The following CDH18 variants were observed in gnomAD, a reference collection of about 807,000 sequenced individuals.
CDH18 encodes cadherin-18.
Under a neutral mutation model 67.9 loss-of-function variants are expected in CDH18, and 31 were observed. The observed-to-expected ratio is 0.46, with a 90% CI of 0.34 to 0.62. The LOEUF (loss-of-function observed/expected upper bound fraction) is 0.62, where lower values mean the gene tolerates loss of function less well. CDH18 is among the 20% of genes least tolerant of loss of function. The pLI, the probability that CDH18 is intolerant of heterozygous loss-of-function variation, is 0.01. For synonymous variants in CDH18, 362 were observed against 347.2 expected (o/e 1.04, Z -0.48); for missense variants, 890 against 975.5 (o/e 0.91, Z 1.17).
chr5:20,399,920 C>T lies in CDH18; in HGVS notation c.-579-144415G>A, dbSNP rs183651795. The stretch of plus-strand genomic sequence containing the variant: ...AGCTCAAACAGGGGTAATCCAGAAA[C>T]CCTGCTCTGAAACACCCTCCGAGCT... On this transcript the variant is annotated intron_variant, in intron 1 of 14. Transcript: ENST00000507958. 2.1e-3 allele frequency among the ~76,000 whole-genome samples: 322 copies of T among 152,248 alleles called. 2 individuals carry two copies. Among genetic ancestry groups the T allele is most frequent in the Middle Eastern group, 3.4e-3 (1 of 294 alleles).
chr5:20,155,945 A>G lies in CDH18; in HGVS notation c.-518+99499T>C, dbSNP rs767887185. 1.6e-3 allele frequency among the ~76,000 whole-genome samples: 248 copies of G among 152,204 alleles called. 2 individuals are homozygous for G. The highest frequency in any genetic ancestry group is 1.3e-3 in the Non-Finnish European group (87 of 67,992). The stretch of plus-strand genomic sequence containing the variant: ...TCCATTGACACATATCTATTTTCCA[A>G]GAAGATATACAAGCAGCCAAAAAGC... On this transcript the variant is annotated intron_variant, in intron 2 of 14. Coordinates refer to the CDH18 transcript ENST00000507958.
intron 1 of CDH18, among the ~76,000 whole-genome samples, chr5:20,333,842 A>G (rs957919854): frequency 6.6e-5 from 10 of 151,968 alleles, no homozygotes; most frequent in African/African-American, 2.2e-4. Context: ...GGTAAAACTT[A>G]TAGATGTAAA....
chr5:20,243,264 A>G (rs1743126950), intron 2 of CDH18, among the ~76,000 whole-genome samples: 2 of 152,168 alleles, frequency 1.3e-5, no homozygotes, highest in Admixed American at 6.5e-5. Flanking sequence ...TTAATGTGTT[A>G]TAACTTTGTA....
At chr5:19,687,252 C>T (rs1295498862) in intron 5 of CDH18, among the ~76,000 whole-genome samples, 1 of 152,150 alleles carries the variant, frequency 6.6e-6, no homozygotes, top group South Asian at 2.1e-4. Context: ...CTTGGTCCCA[C>T]ACACCTGCTA....
chr5:19,759,781 A>T (rs1772098762), intron 3 of CDH18, among the ~76,000 whole-genome samples: 1 of 151,914 alleles, frequency 6.6e-6, no homozygotes, highest in African/African-American at 2.4e-5. Context: ...TCACTCCATA[A>T]ATTGTCGGAA....
At chr5:20,471,109 G>C (rs1271039747) in intron 1 of CDH18, among the ~76,000 whole-genome samples, 3 of 152,052 alleles carry the variant, frequency 2.0e-5, no homozygotes, top group Non-Finnish European at 4.4e-5. Flanking sequence ...TTCTTCTCCT[G>C]TACTCTATTG....
chr5:19,764,784 C>G (rs1374164345), intron 3 of CDH18, among the ~76,000 whole-genome samples: 1 of 152,088 alleles, frequency 6.6e-6, no homozygotes, highest in African/African-American at 2.4e-5. Context: ...TTTTACCACT[C>G]TTTGTCAGTA....
intron 7 of CDH18, among the ~76,000 whole-genome samples, chr5:19,585,196 A>G (rs775923424): frequency 3.9e-5 from 6 of 152,168 alleles, no homozygotes; most frequent in Non-Finnish European, 4.4e-5. Flanking sequence ...ATTAACATAT[A>G]TAATTTTACC....
chr5:19,599,186 G>A (rs1366795780), intron 6 of CDH18, among the ~76,000 whole-genome samples: 4 of 151,948 alleles, frequency 2.6e-5, no homozygotes, highest in African/African-American at 9.7e-5. Context: ...ACAAATATAT[G>A]TACACACAGT....
intron 4 of CDH18, among the ~76,000 whole-genome samples, chr5:19,726,594 ACT>A (rs1766878406): frequency 1.3e-5 from 2 of 152,194 alleles, no homozygotes; most frequent in African/African-American, 4.8e-5. Flanking sequence ...CTCTTGCCCT[ACT>A]GTTCAAGGAT....
intron 2 of CDH18, among the ~76,000 whole-genome samples, chr5:20,229,804 T>C (rs2126494404): frequency 6.6e-6 from 1 of 152,238 alleles, no homozygotes; most frequent in South Asian, 2.1e-4. Flanking sequence ...AGAGCCCAGA[T>C]TGGGATAATT....
rs538207374 is a variant in CDH18 at position 20,217,633 on chromosome 5, A to G, written c.-518+37811T>C. On this transcript the variant is annotated intron_variant, in intron 2 of 14. Transcript: ENST00000507958. ...AAAGAGGAGACCACAAAACAATTAGAAAACAAATAACAAAATGGCAGGAGT... is the reference window on the plus strand; with the variant it reads ...AAAGAGGAGACCACAAAACAATTAGGAAACAAATAACAAAATGGCAGGAGT... 4.6e-5 allele frequency among the ~76,000 whole-genome samples: 7 copies of G among 151,998 alleles called. No homozygotes were observed. In the South Asian group the frequency reaches 1.2e-3, roughly 27 times the overall value.
At chr5:19,597,691 T>C (rs1197073964) in intron 6 of CDH18, among the ~76,000 whole-genome samples, 1 of 152,178 alleles carries the variant, frequency 6.6e-6, no homozygotes, top group Non-Finnish European at 1.5e-5. Flanking sequence ...TCAGTTCTCA[T>C]TTGATAAAGT....
chr5:20,295,036 A>G (rs186679929), intron 1 of CDH18, among the ~76,000 whole-genome samples: 2 of 152,300 alleles, frequency 1.3e-5, no homozygotes, highest in East Asian at 3.9e-4. Context: ...AGTATAATTT[A>G]GAAAATAAAA....
intron 2 of CDH18, among the ~76,000 whole-genome samples, chr5:20,026,744 G>A (rs1738934459): frequency 6.6e-6 from 1 of 152,186 alleles, no homozygotes; most frequent in South Asian, 2.1e-4. Flanking sequence ...GGATCATGAG[G>A]TCAGGAGATG....
intron 2 of CDH18, among the ~76,000 whole-genome samples, chr5:19,931,401 T>C (rs377014451): frequency 5.9e-4 from 90 of 152,058 alleles, no homozygotes; most frequent in African/African-American, 2.0e-3. Flanking sequence ...TATTTTCCTT[T>C]GAAGTGAACA....
chr5:19,708,455 G>A (rs1764240330), intron 5 of CDH18, among the ~76,000 whole-genome samples: 2 of 151,934 alleles, frequency 1.3e-5, no homozygotes, highest in Admixed American at 6.6e-5. Flanking sequence ...CAAAAAAAAA[G>A]GGGGGGACAT....
chr5:20,122,655 T>TTACTATATTCC (rs1748456247), intron 2 of CDH18, among the ~76,000 whole-genome samples: 1 of 151,776 alleles, frequency 6.6e-6, no homozygotes, highest in African/African-American at 2.4e-5. Context: ...AGATTTGTCT[T>TTACTATATTCC]TACTATATTC....
chr5:20,185,853 C>A (rs1271683841), intron 2 of CDH18, among the ~76,000 whole-genome samples: 1 of 116,374 alleles, frequency 8.6e-6, no homozygotes, highest in Non-Finnish European at 1.7e-5. Flanking sequence ...CATGCTAGTA[C>A]TAAATTTATC....
Sources: gnomAD v4.1 joint callset for allele counts (sites outside exome capture counted in the v4.1 genomes callset) on GRCh38, gnomAD v4.1.1 for gene constraint, MANE v1.5 for transcripts, NCBI Gene and HGNC (gene_info 2026-07-23, HGNC 2026-07-21) for gene names.